KCNS1: variants seen among roughly 807,000 people sequenced by gnomAD.
KCNS1 encodes delayed-rectifier potassium channel regulatory subunit KCNS1.
Under a neutral mutation model 33.1 loss-of-function variants are expected in KCNS1, and 26 were observed. The observed-to-expected ratio is 0.79, with a 90% CI of 0.58 to 1.09. The LOEUF (loss-of-function observed/expected upper bound fraction) is 1.09, where lower values mean the gene tolerates loss of function less well. KCNS1 is among the 50% of genes least tolerant of loss of function. The pLI is 0.00. For missense variants in KCNS1, 702 were observed against 752.4 expected (o/e 0.93, Z 0.78); for synonymous variants, 299 against 338.8 (o/e 0.88, Z 1.29).
Position 45,095,094 on chromosome 20 carries a change from T to C in KCNS1, c.1357A>G (p.Ile453Val), listed in dbSNP as rs1237395080. Residue 453 changes from isoleucine (I) to valine (V), a missense_variant, in exon 4 of 4, where the codon ATC (isoleucine) becomes GTC (valine). By Grantham distance (29) the Ile-to-Val change is conservative. Around this residue, in one of 3 missense-constraint regions of KCNS1, gnomAD observed 253 missense variants for 327.4 expected, o/e 0.77. Transcript: ENST00000537075. ...GAGAACTTGTTGAAGATGATGGTGATGGGGAGTGCTACCACCAGGATGCCC... is the reference window on the plus strand; with the variant it reads ...GAGAACTTGTTGAAGATGATGGTGACGGGGAGTGCTACCACCAGGATGCCC... ...LGGILVVALP[I>V]TIIFNKFSHF... The C allele has an allele frequency of 1.2e-6, 2 of 1,613,984 alleles. No homozygotes were observed. Among genetic ancestry groups the C allele is most frequent in the Admixed American group, 1.7e-5 (1 of 60,004 alleles).
Position 45,094,730 on chromosome 20 carries a change from T to G in KCNS1, c.*140A>C. 1 of 751,112 alleles carries G rather than the reference T, an allele frequency of 1.3e-6. No homozygotes were observed. Among genetic ancestry groups the G allele is most frequent in the Non-Finnish European group, 2.2e-6 (1 of 445,926 alleles). The allele number at this position is 751,112 out of a possible 1,614,324, so 46.5% of individuals were successfully genotyped here. ...GGTAGCACTGTCCTGTCCTGGGCCT[T>G]TGGAGGAAGGAATGCAGCTTTTGAA... On this transcript the variant is annotated 3_prime_UTR_variant, in exon 4 of 4. Coordinates refer to ENST00000537075, the MANE Select transcript of KCNS1 (RefSeq NM_001322799.2).
Position 45,093,793 on chromosome 20 carries a change from T to C in KCNS1, c.*1077A>G, listed in dbSNP as rs958928792. The C allele has an allele frequency of 6.6e-6, 1 of 152,506 alleles. No homozygotes were observed. The highest frequency in any genetic ancestry group is 1.5e-5 in the Non-Finnish European group (1 of 68,278). 9.4% of individuals were successfully genotyped at this position (152,506 alleles called of 1,614,324 possible). On this transcript the variant is annotated 3_prime_UTR_variant, in exon 4 of 4. Transcript: ENST00000537075. ...AATGTAGGGCTGGACGTCTGTGTGA[T>C]GGGCAGAAAGGAACTGCCAAGGTCA...
At position 45,098,084 on chromosome 20, in the gene KCNS1, C is replaced by T; in HGVS notation, c.688G>A (p.Val230Met). The change falls in exon 3 of 4, where the codon GTG becomes ATG. Residue 230 changes from valine to methionine, a missense_variant. Transcript: ENST00000537075. This position sits in a 1 kb window ranked among gnomAD's most constrained non-coding sequence, Gnocchi z 5.2. ...KLFSCVSISV[V>M]LASIAAMCIH... Reference sequence around the variant, plus strand: ...CACATGGCGGCGATGGAGGCGAGCACCACGCTGATGGAGACGCAGCTGAAG... The same window carrying T: ...CACATGGCGGCGATGGAGGCGAGCATCACGCTGATGGAGACGCAGCTGAAG... 1 of 1,568,034 alleles carries T rather than the reference C, an allele frequency of 6.4e-7. No homozygotes were observed. The highest frequency in any genetic ancestry group is 8.6e-7 in the Non-Finnish European group (1 of 1,157,482).
At position 45,099,232 on chromosome 20, in the gene KCNS1, A is replaced by C; in HGVS notation, c.5T>G (p.Leu2Arg). 2 of 1,473,000 alleles carry C rather than the reference A, an allele frequency of 1.4e-6. No individual in the cohort carries two copies. Among genetic ancestry groups the C allele is most frequent in the South Asian group, 2.4e-5 (2 of 82,546 alleles). 91.2% of individuals were successfully genotyped at this position (1,473,000 alleles called of 1,614,324 possible). The change falls in exon 2 of 4, where the codon CTG becomes CGG. Residue 2 changes from leucine to arginine, a missense_variant. Leu to Arg is a moderately radical substitution (Grantham distance 102, BLOSUM62 -2). Coordinates refer to ENST00000537075, the MANE Select transcript of KCNS1 (RefSeq NM_001322799.2). ...GTGTGTTCCCCGGACCAGCAGCATC[A>C]GCATCACCTGGGAATTTGTCAAAGA... Reference protein sequence around the residue: MLMLLVRGTHYE... With the variant: MRMLLVRGTHYE...
chr20:45,097,564 G>A, intron 3 of KCNS1, 98 bp downstream of exon 3: 2 of 1,245,842 alleles, frequency 1.6e-6, no homozygotes, highest in Admixed American at 2.1e-5. Context: ...TCAGTTGAAC[G>A]TTAAGCCTGG....
In KCNS1 at chr20:45,098,174, C is replaced by G; in HGVS notation, c.598G>C (p.Gly200Arg). 2.5e-6 allele frequency: 4 copies of G among 1,602,280 alleles called. No individual in the cohort carries two copies. The highest frequency in any genetic ancestry group is 3.4e-6 in the Non-Finnish European group (4 of 1,175,666). ...AGCCAGAGGCGGCGGCGCAGGCGGC[C>G]ACAGCGCGCCGCGCCATAGCGCGCC... is the stretch of plus-strand genomic sequence containing the variant. ...ELARYGAARC[G>R]RLRRRLWLTM... The change falls in exon 3 of 4, where the codon GGC becomes CGC. Residue 200 changes from glycine (G) to arginine (R), a missense_variant. Gly to Arg is a moderately radical substitution (Grantham distance 125, BLOSUM62 -2). Transcript: ENST00000537075. The surrounding 1 kb of genome is among the most constrained non-coding windows in gnomAD (Gnocchi z 5.2).
rs528349735 is a variant in KCNS1 at position 45,091,440 on chromosome 20, A to T, written c.*3430T>A. ...CAGTGTCTTAAACAGAAGGTTCATGAGTCTTGCTACTGAGGTCCCTAGAGC... is the reference window on the plus strand; with the variant it reads ...CAGTGTCTTAAACAGAAGGTTCATGTGTCTTGCTACTGAGGTCCCTAGAGC... On this transcript the variant is annotated 3_prime_UTR_variant, in exon 4 of 4. Coordinates refer to ENST00000537075, the MANE Select transcript of KCNS1 (RefSeq NM_001322799.2). Among the ~76,000 whole-genome samples, 6 of 152,202 alleles carry T rather than the reference A, an allele frequency of 3.9e-5. No homozygotes were observed. The highest frequency in any genetic ancestry group is 2.1e-4 in the South Asian group (1 of 4,820).
In KCNS1 at chr20:45,094,991, C is replaced by T. The variant is rs930365392; in HGVS notation, c.1460G>A (p.Ser487Asn). The change falls in exon 4 of 4, where the codon AGC becomes AAC. Residue 487 changes from serine to asparagine, a missense_variant. Physicochemically the swap from Ser to Asn is conservative, Grantham distance 46. Around this residue, in one of 3 missense-constraint regions of KCNS1, gnomAD observed 75 missense variants for 72.7 expected, o/e 1.03. Coordinates refer to ENST00000537075, the MANE Select transcript of KCNS1 (RefSeq NM_001322799.2). ...SNHQEFEDLL[S>N]SIDGVSEASL... ...TGCCTCCGACACCCCATCAATGCTG[C>T]TCAGCAAGTCCTCAAACTCTTGGTG... 1.2e-6 allele frequency: 2 copies of T among 1,613,854 alleles called. No homozygotes were observed. The highest frequency in any genetic ancestry group is 1.7e-6 in the Non-Finnish European group (2 of 1,179,940).
intron 3 of KCNS1, among the ~76,000 whole-genome samples, chr20:45,095,944 G>A (rs1003605860): frequency 1.4e-5 from 2 of 138,096 alleles, no homozygotes; most frequent in African/African-American, 5.2e-5. Flanking sequence ...AGACATTTTT[G>A]GTTGTTGCAA....
At position 45,098,135 on chromosome 20, in the gene KCNS1, G is replaced by A. The variant is rs779360976; in HGVS notation, c.637C>T (p.Pro213Ser). ...RRRLWLTMEN[P>S]GYSLPSKLFS... The stretch of plus-strand genomic sequence containing the variant: ...AGCTTGCTCGGCAGCGAGTAGCCCG[G>A]GTTCTCCATGGTCAGCCAGAGGCGG... Residue 213 changes from proline to serine, a missense_variant, in exon 3 of 4, where the codon CCG (proline) becomes TCG (serine). Transcript: ENST00000537075. The surrounding 1 kb of genome is among the most constrained non-coding windows in gnomAD (Gnocchi z 5.2). 8 of 1,605,432 alleles carry A rather than the reference G, an allele frequency of 5.0e-6. No individual in the cohort carries two copies. The highest frequency in any genetic ancestry group is 6.8e-6 in the Non-Finnish European group (8 of 1,176,926).
At chr20:45,095,427 T>C in intron 3 of KCNS1, 87 bp from the exon 4 acceptor site, 1 of 1,242,794 alleles carries the variant, frequency 8.0e-7, no homozygotes, top group Non-Finnish European at 1.1e-6. Flanking sequence ...GCCCAGAGAG[T>C]ATAAAGGACA....
Position 45,098,253 on chromosome 20 carries a change from C to A in KCNS1, c.519G>T (p.Thr173=). Residue 173 remains threonine (T), a synonymous_variant, in exon 3 of 4, where the codon ACG becomes ACT. Coordinates refer to ENST00000537075, the MANE Select transcript of KCNS1 (RefSeq NM_001322799.2). The surrounding 1 kb of genome is among the most constrained non-coding windows in gnomAD (Gnocchi z 5.2). ...CGGGGCACGGGTCCACGCTGCTCGG[C>A]GTGTCGCTGTCCTCGTCCCAGGCGT... The part of the protein sequence containing the change: ...QPHAWDEDSD[T]PSSVDPCPDE... 6.3e-7 allele frequency: 1 copy of A among 1,597,618 alleles called. No individual in the cohort carries two copies.
At position 45,097,722 on chromosome 20, in the gene KCNS1, G is replaced by A; in HGVS notation, c.1050C>T (p.Phe350=). 2 of 1,612,100 alleles carry A rather than the reference G, an allele frequency of 1.2e-6. No homozygotes were observed. Among genetic ancestry groups the A allele is most frequent in the Non-Finnish European group, 8.5e-7 (1 of 1,179,954 alleles). ...AATGGCGCGCCAACTTGAGTACGCGGAAGATGCGCATGAGGCGGAACACCT... is the reference window on the plus strand; with the variant it reads ...AATGGCGCGCCAACTTGAGTACGCGAAAGATGCGCATGAGGCGGAACACCT... ...VVQVFRLMRI[F]RVLKLARHST... The change falls in exon 3 of 4, where the codon TTC becomes TTT. Residue 350 remains phenylalanine (F), a synonymous_variant. Transcript: ENST00000537075.
rs764306069 is a variant in KCNS1 at position 45,098,194 on chromosome 20, C to A, written c.578G>T (p.Arg193Leu). Reference protein sequence around the residue: ...EISDVQRELARYGAARCGRLR... With the variant: ...EISDVQRELALYGAARCGRLR... ...GCGGCCACAGCGCGCCGCGCCATAG[C>A]GCGCCAGTTCTCGCTGCACGTCGGA... is the stretch of plus-strand genomic sequence containing the variant. The change falls in exon 3 of 4, where the codon CGC becomes CTC. Residue 193 changes from arginine to leucine, a missense_variant. Physicochemically the swap from Arg to Leu is moderately radical, Grantham distance 102. Around this residue, in one of 3 missense-constraint regions of KCNS1, gnomAD observed 374 missense variants for 352.3 expected, o/e 1.06. Coordinates refer to ENST00000537075, the MANE Select transcript of KCNS1 (RefSeq NM_001322799.2). This position sits in a 1 kb window ranked among gnomAD's most constrained non-coding sequence, Gnocchi z 5.2. The A allele has an allele frequency of 6.2e-7, 1 of 1,604,632 alleles. No individual in the cohort carries two copies. Among genetic ancestry groups the A allele is most frequent in the South Asian group, 1.1e-5 (1 of 89,944 alleles).
Position 45,100,688 on chromosome 20 carries a change from A to G in KCNS1, c.-4+233T>C, listed in dbSNP as rs550461306. 2.0e-5 allele frequency among the ~76,000 whole-genome samples: 3 copies of G among 152,244 alleles called. No homozygotes were observed. In the South Asian group the frequency reaches 6.2e-4, roughly 32 times the overall value. On this transcript the variant is annotated intron_variant, in intron 1 of 3. Transcript: ENST00000537075. The stretch of plus-strand genomic sequence containing the variant: ...CTCCATGCACACCTCACTCGGTTTA[A>G]TCCCTACACCAACCCTGCCAGGGAG...
Position 45,095,446 on chromosome 20 carries a change from G to A in KCNS1, c.1111-106C>T, listed in dbSNP as rs1981154969. ...AGAGAGTATAAAGGACAGGTCCAAA[G>A]TCAGCAAGATAGAGCTGGTGCTAAG... On this transcript the variant is annotated intron_variant, in intron 3 of 3. Transcript: ENST00000537075. The A allele has an allele frequency of 1.4e-5, 15 of 1,039,142 alleles. No homozygotes were observed. The South Asian group carries it at 2.3e-4, about 16-fold the overall frequency. The allele number at this position is 1,039,142 out of a possible 1,614,324, so 64.4% of individuals were successfully genotyped here.
chr20:45,096,402 C>T (rs1981186739), intron 3 of KCNS1, among the ~76,000 whole-genome samples: 1 of 152,176 alleles, frequency 6.6e-6, no homozygotes, highest in Admixed American at 6.5e-5. Context: ...TTCTGGGGCA[C>T]AGGGATCTTC....
At position 45,098,731 on chromosome 20, in the gene KCNS1, G is replaced by A; in HGVS notation, c.77-36C>T. 1.5e-6 allele frequency: 2 copies of A among 1,338,086 alleles called. No individual in the cohort carries two copies. The highest frequency in any genetic ancestry group is 1.9e-6 in the Non-Finnish European group (2 of 1,043,854). The allele number at this position is 1,338,086 out of a possible 1,614,324, so 82.9% of individuals were successfully genotyped here. A position where few individuals can be genotyped will look rare whatever the true frequency, so the allele number is the denominator to read the frequency against. ...CAGAAGGGCGCGCTGAGGAGTTCCCGGGCTTCCCTTCCTGGAAGACCAGGT... is the reference window on the plus strand; with the variant it reads ...CAGAAGGGCGCGCTGAGGAGTTCCCAGGCTTCCCTTCCTGGAAGACCAGGT... On this transcript the variant is annotated intron_variant, in intron 2 of 3. Transcript: ENST00000537075. The surrounding 1 kb of genome is among the most constrained non-coding windows in gnomAD (Gnocchi z 5.2).
chr20:45,096,052 C>T (rs1392283525), intron 3 of KCNS1, among the ~76,000 whole-genome samples: 1 of 152,174 alleles, frequency 6.6e-6, no homozygotes, highest in African/African-American at 2.4e-5. Context: ...AAAGAATTAC[C>T]TGGTCCCAAA....
Sources: allele counts gnomAD v4.1 joint callset (sites outside exome capture counted in the v4.1 genomes callset), GRCh38; gene constraint gnomAD v4.1.1; regional missense constraint gnomAD v4.1.1; non-coding constraint Gnocchi (gnomAD v3.1); transcripts MANE v1.5; gene names NCBI Gene and HGNC (gene_info 2026-07-23, HGNC 2026-07-21).